IFT43: variants seen among roughly 807,000 people sequenced by gnomAD.
IFT43 encodes the protein intraflagellar transport protein 43 homolog.
A neutral mutation model predicts 32.3 loss-of-function variants in IFT43; 33 were observed. That is an observed-to-expected ratio of 1.02 (90% CI 0.77 to 1.37). The LOEUF (loss-of-function observed/expected upper bound fraction) is 1.37, where lower values mean the gene tolerates loss of function less well. Ranked by LOEUF, IFT43 falls within the 40% of genes most tolerant of loss-of-function variation. IFT43 has a pLI of 0.00. For missense variants in IFT43, 274 were observed against 265.9 expected (o/e 1.03, Z -0.21); for synonymous variants, 93 against 98.2 (o/e 0.95, Z 0.31).
chr14:76,047,291 G>A (rs997295827), intron 3 of IFT43, among the ~76,000 whole-genome samples: 2 of 152,212 alleles, frequency 1.3e-5, no homozygotes, highest in Non-Finnish European at 2.9e-5. Flanking sequence ...TGGCTGGCCT[G>A]ATTCTGAGTG....
intron 2 of IFT43, among the ~76,000 whole-genome samples, chr14:76,019,696 A>G (rs2036254743): frequency 6.6e-6 from 1 of 152,158 alleles, no homozygotes; most frequent in Non-Finnish European, 1.5e-5. Flanking sequence ...TGAGACTTCA[A>G]AAATTTTAAT....
intron 2 of IFT43, among the ~76,000 whole-genome samples, chr14:75,989,256 A>G (rs2035590921): frequency 6.6e-6 from 1 of 152,066 alleles, no homozygotes; most frequent in South Asian, 2.1e-4. Flanking sequence ...TTCAAAATCC[A>G]GTAGGATTCC....
At chr14:75,992,303 A>G (rs2035659104) in intron 2 of IFT43, among the ~76,000 whole-genome samples, 1 of 152,204 alleles carries the variant, frequency 6.6e-6, no homozygotes, top group Admixed American at 6.5e-5. Flanking sequence ...CCAGGTTGAT[A>G]TGGGGGCAAG....
At chr14:76,050,301 C>T (rs2036889708) in intron 3 of IFT43, among the ~76,000 whole-genome samples, 1 of 152,208 alleles carries the variant, frequency 6.6e-6, no homozygotes, top group Non-Finnish European at 1.5e-5. Flanking sequence ...GCACTGCGTC[C>T]ACTGGCTTTG....
At chr14:75,999,341 C>T (rs1170659285) in intron 2 of IFT43, among the ~76,000 whole-genome samples, 10 of 138,444 alleles carry the variant, frequency 7.2e-5, no homozygotes, top group Non-Finnish European at 1.4e-4. Flanking sequence ...TTGCCCAGGC[C>T]GGTCTCAAAC....
At chr14:75,987,404 C>T (rs2035549784) in intron 1 of IFT43, among the ~76,000 whole-genome samples, 1 of 152,188 alleles carries the variant, frequency 6.6e-6, no homozygotes, top group African/African-American at 2.4e-5. Flanking sequence ...TCTGTAACCC[C>T]TCTCAGTTTA....
rs1384190423 is a variant in IFT43 at position 76,062,432 on chromosome 14, A to G, written c.295+3059A>G. ...TTGGATGCTGGACATTGTGAATATC[A>G]TTATGTTGAGTCTGGATCTTGTCTT... On this transcript the variant is annotated intron_variant, in intron 5 of 8. Transcript: ENST00000314067. 3.9e-5 allele frequency among the ~76,000 whole-genome samples: 6 copies of G among 152,106 alleles called. No individual in the cohort carries two copies. The South Asian group carries it at 1.0e-3, about 26-fold the overall frequency.
chr14:75,989,668 G>C (rs2035598637), intron 2 of IFT43, among the ~76,000 whole-genome samples: 1 of 152,184 alleles, frequency 6.6e-6, no homozygotes, highest in Non-Finnish European at 1.5e-5. Context: ...ACTTCCCATA[G>C]TACCTATTGT....
intron 5 of IFT43, among the ~76,000 whole-genome samples, chr14:76,065,021 G>A (rs930082121): frequency 6.6e-6 from 1 of 152,184 alleles, no homozygotes; most frequent in African/African-American, 2.4e-5. Context: ...TAAATACATG[G>A]AATTAGAAAG....
chr14:76,004,001 C>G (rs1407842356), intron 2 of IFT43, among the ~76,000 whole-genome samples: 1 of 152,150 alleles, frequency 6.6e-6, no homozygotes, highest in Non-Finnish European at 1.5e-5. Flanking sequence ...GTCTCAAACT[C>G]CTGACCTCAA....
chr14:76,064,828 T>C (rs967142297), intron 5 of IFT43, among the ~76,000 whole-genome samples: 1 of 152,224 alleles, frequency 6.6e-6, no homozygotes, highest in Admixed American at 6.5e-5. Flanking sequence ...TATAGAATTA[T>C]CTGGACTTGT....
At chr14:76,018,723 C>T (rs1217110550) in intron 2 of IFT43, among the ~76,000 whole-genome samples, 1 of 152,062 alleles carries the variant, frequency 6.6e-6, no homozygotes, top group Non-Finnish European at 1.5e-5. Context: ...TCTGGAGGCT[C>T]CAGTGTTGGG....
chr14:75,999,225 TTTTATATATATATATATATATATA>T (rs2035805187), intron 2 of IFT43, among the ~76,000 whole-genome samples: 1 of 115,738 alleles, frequency 8.6e-6, no homozygotes, highest in Admixed American at 9.3e-5. Context: ...TATAAATTCA[TTTTATATATATATATATATATATA>T]TATATATATA....
At chr14:76,018,675 G>A (rs554126417) in intron 2 of IFT43, among the ~76,000 whole-genome samples, 11 of 152,130 alleles carry the variant, frequency 7.2e-5, no homozygotes, top group African/African-American at 2.6e-4. Flanking sequence ...TTATTGTATT[G>A]GAGTCTATTT....
chr14:76,048,592 C>T (rs2036852952), intron 3 of IFT43, among the ~76,000 whole-genome samples: 1 of 152,186 alleles, frequency 6.6e-6, no homozygotes, highest in South Asian at 2.1e-4. Context: ...ACAGGTTGGG[C>T]ACACATAGGT....
At chr14:76,030,528 G>A (rs80105372) in intron 3 of IFT43, among the ~76,000 whole-genome samples, 1,931 of 152,220 alleles carry the variant, frequency 0.013, 50 homozygotes, top group African/African-American at 0.043. Flanking sequence ...GGCTCTTTTA[G>A]TAGGTAGAAC....
rs558782252 is a variant in IFT43, at chr14:76,004,745, T to C, written c.147+15768T>C. On this transcript the variant is annotated intron_variant, in intron 2 of 8. Transcript: ENST00000314067. The stretch of plus-strand genomic sequence containing the variant: ...CTTATTAATTTTTTTTCCTATCTTT[T>C]GTCCTTTTGTCCTTCAGATTGGGTA... Among the ~76,000 whole-genome samples, 12 of 152,334 alleles carry C rather than the reference T, an allele frequency of 7.9e-5. No homozygotes were observed. The East Asian group carries it at 2.1e-3, about 27-fold the overall frequency.
intron 5 of IFT43, among the ~76,000 whole-genome samples, chr14:76,066,608 C>T (rs4243650): frequency 0.44 from 67,275 of 152,034 alleles, 15,557 homozygotes; most frequent in East Asian, 0.52. Flanking sequence ...TGGGGAAACT[C>T]GGGAATGATT....
At chr14:76,029,898 T>A (rs1301458220) in intron 3 of IFT43, among the ~76,000 whole-genome samples, 1 of 147,876 alleles carries the variant, frequency 6.8e-6, no homozygotes, top group East Asian at 1.9e-4. Context: ...TTTATTTTAT[T>A]TGAGACAGGA....
Sources: allele counts gnomAD v4.1 joint callset (sites outside exome capture counted in the v4.1 genomes callset), GRCh38; gene constraint gnomAD v4.1.1; transcripts MANE v1.5; gene names NCBI Gene and HGNC (gene_info 2026-07-23, HGNC 2026-07-21).